KIAA1217: variants seen among roughly 807,000 people sequenced by gnomAD.
KIAA1217 encodes the protein KIAA1217.
Under a neutral mutation model 163.9 loss-of-function variants are expected in KIAA1217, and 88 were observed. The ratio of observed to expected loss-of-function variants is 0.54; its 90% CI spans 0.45 to 0.64. The LOEUF (loss-of-function observed/expected upper bound fraction) is 0.64, where lower values mean the gene tolerates loss of function less well. Ranked by LOEUF, KIAA1217 falls within the 30% of genes least tolerant of loss-of-function variation. KIAA1217 has a pLI of 0.00. For synonymous variants in KIAA1217, 903 were observed against 923.1 expected, an observed-to-expected ratio of 0.98 and a Z score of 0.39; for missense variants, 2,372 against 2,475.0, an observed-to-expected ratio of 0.96 and a Z score of 0.88.
At chr10:24,223,995 G>A (rs972085285) in intron 2 of KIAA1217, among the ~76,000 whole-genome samples, 2 of 152,012 alleles carry the variant, frequency 1.3e-5, no homozygotes, top group East Asian at 1.9e-4. Context: ...GAAGATTCAC[G>A]GTTGCAAAAC....
chr10:24,238,244 T>C (rs1310353432), intron 2 of KIAA1217, among the ~76,000 whole-genome samples: 1 of 152,194 alleles, frequency 6.6e-6, no homozygotes, highest in African/African-American at 2.4e-5. Flanking sequence ...GCTGAGTTCC[T>C]CTGAAGAACT....
chr10:24,162,626 C>CA (rs1456102772), intron 2 of KIAA1217, among the ~76,000 whole-genome samples: 1 of 152,176 alleles, frequency 6.6e-6, no homozygotes, highest in East Asian at 1.9e-4. Context: ...CTGTTCTGCA[C>CA]AAAAAATTGC....
intron 2 of KIAA1217, among the ~76,000 whole-genome samples, chr10:24,197,160 C>T (rs1251151361): frequency 2.0e-5 from 3 of 152,208 alleles, no homozygotes; most frequent in African/African-American, 7.2e-5. Context: ...TTTAGTTAAA[C>T]TAATATCCCT....
rs1209627009 is a variant in KIAA1217 at position 24,349,165 on chromosome 10, A to G, written c.355-31704A>G. Reference sequence around the variant, plus strand: ...AAAAAAAAAAAAAAGAGAGATTGAGATCTGAGATCTCATATTTTTGTAGCA... The same window carrying G: ...AAAAAAAAAAAAAAGAGAGATTGAGGTCTGAGATCTCATATTTTTGTAGCA... On this transcript the variant is annotated intron_variant, in intron 2 of 20. Transcript: ENST00000376454. Among the ~76,000 whole-genome samples the G allele has an allele frequency of 2.0e-5, 3 of 150,432 alleles. No individual in the cohort carries two copies. In the East Asian group the frequency reaches 5.9e-4, roughly 30 times the overall value.
intron 2 of KIAA1217, among the ~76,000 whole-genome samples, chr10:24,025,327 A>G (rs1258189199): frequency 6.6e-6 from 1 of 151,718 alleles, no homozygotes; most frequent in Non-Finnish European, 1.5e-5. Context: ...TTGACCACAT[A>G]TGTGTGGGTC....
intron 3 of KIAA1217, among the ~76,000 whole-genome samples, chr10:24,429,571 C>A (rs1158771746): frequency 6.6e-6 from 1 of 152,114 alleles, no homozygotes; most frequent in Non-Finnish European, 1.5e-5. Flanking sequence ...TTCTTCTTCA[C>A]TGAATTTTAA....
intron 2 of KIAA1217, among the ~76,000 whole-genome samples, chr10:24,079,716 T>C (rs2061480567): frequency 6.6e-6 from 1 of 152,300 alleles, no homozygotes; most frequent in East Asian, 1.9e-4. Context: ...TGATGATGGT[T>C]GTGATAACTT....
rs116991488 is a variant in KIAA1217, at chr10:24,253,175, G to A, written c.354+33266G>A. ...TGCCCTGGGAGAGGTAGCCAGAGGC[G>A]CTTAGTAAGCTTCAATCAGGATTTT... On this transcript the variant is annotated intron_variant, in intron 2 of 20. Transcript: ENST00000376454. Among the ~76,000 whole-genome samples the A allele has an allele frequency of 7.2e-3, 1,093 of 152,240 alleles. 20 individuals are homozygous for A. In the East Asian group the frequency reaches 0.078, roughly 11 times the overall value.
chr10:24,290,048 G>A (rs1271277620), intron 2 of KIAA1217, among the ~76,000 whole-genome samples: 1 of 152,124 alleles, frequency 6.6e-6, no homozygotes, highest in Non-Finnish European at 1.5e-5. Context: ...AAGCTCCAAG[G>A]TATGGCAGTT....
At chr10:24,166,023 C>T (rs1464294362) in intron 2 of KIAA1217, among the ~76,000 whole-genome samples, 1 of 152,166 alleles carries the variant, frequency 6.6e-6, no homozygotes, top group Non-Finnish European at 1.5e-5. Flanking sequence ...TCCCCACCTC[C>T]AATTTTTTAA....
At chr10:23,860,045 G>T (rs1839880651) in intron 1 of KIAA1217, among the ~76,000 whole-genome samples, 1 of 152,086 alleles carries the variant, frequency 6.6e-6, no homozygotes, top group Non-Finnish European at 1.5e-5. Flanking sequence ...GGAGGGCTGA[G>T]AGCGAGCAGG....
chr10:23,830,777 A>G (rs1838154240), intron 1 of KIAA1217, among the ~76,000 whole-genome samples: 1 of 151,536 alleles, frequency 6.6e-6, no homozygotes, highest in Non-Finnish European at 1.5e-5. Flanking sequence ...AATAGAAGAT[A>G]CATAAAAGAA....
At chr10:24,417,658 A>T (rs2058373453) in intron 3 of KIAA1217, among the ~76,000 whole-genome samples, 1 of 152,142 alleles carries the variant, frequency 6.6e-6, no homozygotes, top group Non-Finnish European at 1.5e-5. Flanking sequence ...CCATGGTGTG[A>T]AGTCTACGAA....
intron 20 of KIAA1217, chr10:24,545,569 A>C (rs1401622362): frequency 1.5e-6 from 2 of 1,356,518 alleles, no homozygotes; most frequent in African/African-American, 2.9e-5. Flanking sequence ...CACACAGGAA[A>C]TGGTAGAGCT....
intron 3 of KIAA1217, among the ~76,000 whole-genome samples, chr10:24,385,638 T>A (rs2053902139): frequency 6.6e-6 from 1 of 152,164 alleles, no homozygotes; most frequent in Non-Finnish European, 1.5e-5. Flanking sequence ...CAACCTATCG[T>A]GTCTAAATCT....
chr10:23,790,435 A>ACATATATACATATATACATGTG lies in KIAA1217; in HGVS notation c.-321+95259_-321+95280dup, dbSNP rs1199796324. ...TATACATATATACATATATACATAT[A>ACATATATACATATATACATGTG]CATATATACATATATACATGTGCAT... On this transcript the variant is annotated intron_variant, in intron 1 of 18. Transcript: ENST00000376462. 4.3e-4 allele frequency among the ~76,000 whole-genome samples: 39 copies of ACATATATACATATATACATGTG among 90,650 alleles called. 4 individuals carry two copies. Among genetic ancestry groups the ACATATATACATATATACATGTG allele is most frequent in the East Asian group, 2.5e-3 (9 of 3,610 alleles). The allele number at this position is 90,650 out of a possible 152,430, so 59.5% of individuals were successfully genotyped here. A position where few individuals can be genotyped will look rare whatever the true frequency, so the allele number is the denominator to read the frequency against.
At chr10:24,201,206 G>A (rs1229529756) in intron 2 of KIAA1217, among the ~76,000 whole-genome samples, 1 of 152,178 alleles carries the variant, frequency 6.6e-6, no homozygotes, top group East Asian at 1.9e-4. Context: ...AGGAGGCGGA[G>A]GTTGCAGTGA....
At chr10:24,158,286 C>A in intron 2 of KIAA1217, 1 of 707,408 alleles carries the variant, frequency 1.4e-6, no homozygotes, top group Non-Finnish European at 2.7e-6. Flanking sequence ...TTTCTCCTTC[C>A]CGGTTGGATC....
At chr10:24,429,230 C>A (rs955539895) in intron 3 of KIAA1217, among the ~76,000 whole-genome samples, 1 of 152,158 alleles carries the variant, frequency 6.6e-6, no homozygotes, top group East Asian at 1.9e-4. Context: ...TCCTATGTGA[C>A]TTTTTACCTG....
Sources: gnomAD v4.1 joint callset for allele counts (sites outside exome capture counted in the v4.1 genomes callset) on GRCh38, gnomAD v4.1.1 for gene constraint, MANE v1.5 for transcripts, NCBI Gene and HGNC (gene_info 2026-07-23, HGNC 2026-07-21) for gene names.